Variants in PABPC4L observed in about 807,000 individuals in gnomAD.
PABPC4L encodes poly(A) binding protein cytoplasmic 4 like.
For synonymous variants in PABPC4L, 169 were observed against 164.1 expected, an observed-to-expected ratio of 1.03 and a Z score of -0.23; for missense variants, 452 against 451.4, an observed-to-expected ratio of 1.00 and a Z score of -0.01.
the PABPC4L span, among the ~76,000 whole-genome samples, chr4:133,971,905 T>C: frequency 6.6e-6 from 1 of 152,318 alleles, no homozygotes; most frequent in East Asian, 1.9e-4. Flanking sequence ...ATATTCTTAA[T>C]ATGCCCTCTC....
the PABPC4L span, among the ~76,000 whole-genome samples, chr4:134,065,840 A>G: frequency 1.3e-5 from 2 of 152,102 alleles, no homozygotes; most frequent in African/African-American, 2.4e-5. Context: ...GCACCTGGCA[A>G]GCCAGTTATC....
chr4:134,164,765 GA>G, the PABPC4L span, among the ~76,000 whole-genome samples: 3 of 149,920 alleles, frequency 2.0e-5, no homozygotes, highest in Non-Finnish European at 4.5e-5. Flanking sequence ...CACAGAATTA[GA>G]AAAAAAAAGC....
At chr4:133,952,557 A>G in the PABPC4L span, among the ~76,000 whole-genome samples, 1 of 152,032 alleles carries the variant, frequency 6.6e-6, no homozygotes. Flanking sequence ...TAATTTCTCT[A>G]TTACTGGTTG....
rs1189044309 is a variant in PABPC4L at position 134,197,396 on chromosome 4, G to A, written c.*2511C>T. 6.6e-6 allele frequency: 1 copy of A among 151,674 alleles called. No individual in the cohort carries two copies. The highest frequency in any genetic ancestry group is 1.5e-5 in the Non-Finnish European group (1 of 67,668). The allele number at this position is 151,674 out of a possible 1,614,324, so 9.4% of individuals were successfully genotyped here. A position where few individuals can be genotyped will look rare whatever the true frequency, so the allele number is the denominator to read the frequency against. ...CATAAACACAATACAGATAAATTGT[G>A]TGGGTGTATATATATTTGTGTGAAT... On this transcript the variant is annotated 3_prime_UTR_variant, in exon 2 of 2. Coordinates refer to ENST00000421491, the MANE Select transcript of PABPC4L (RefSeq NM_001114734.2).
chr4:134,201,321 G>A (rs1729875462), intron 1 of PABPC4L, 76 bp from the exon 2 acceptor site: 2 of 1,324,172 alleles, frequency 1.5e-6, no homozygotes, highest in African/African-American at 3.0e-5. Context: ...TTCAAGTGGC[G>A]GGCTGGCCCT....
chr4:134,035,143 A>T, the PABPC4L span, among the ~76,000 whole-genome samples: 21 of 152,168 alleles, frequency 1.4e-4, no homozygotes, highest in Admixed American at 3.9e-4. Flanking sequence ...AAAGGCTCAG[A>T]TGATCTTTAG....
chr4:134,149,605 T>C, the PABPC4L span, among the ~76,000 whole-genome samples: 1 of 152,136 alleles, frequency 6.6e-6, no homozygotes, highest in African/African-American at 2.4e-5. Context: ...GTTATACAAC[T>C]GGCAAGGGTC....
At chr4:133,967,086 G>T in the PABPC4L span, among the ~76,000 whole-genome samples, 1 of 150,458 alleles carries the variant, frequency 6.6e-6, no homozygotes, top group Non-Finnish European at 1.5e-5. Flanking sequence ...AAGGTAAATG[G>T]TAATGATATT....
chr4:134,114,067 A>G, the PABPC4L span, among the ~76,000 whole-genome samples: 1 of 151,748 alleles, frequency 6.6e-6, no homozygotes, highest in Non-Finnish European at 1.5e-5. Context: ...AAGTGGAAAG[A>G]TAAGTGGAAG....
At chr4:133,991,857 C>T in the PABPC4L span, among the ~76,000 whole-genome samples, 3 of 152,190 alleles carry the variant, frequency 2.0e-5, no homozygotes, top group African/African-American at 7.2e-5. Flanking sequence ...AACCAAGCCT[C>T]TCCTTGCACT....
the PABPC4L span, among the ~76,000 whole-genome samples, chr4:134,117,919 G>A: frequency 6.6e-6 from 1 of 151,668 alleles, no homozygotes; most frequent in East Asian, 2.0e-4. Context: ...CTGGGATGAA[G>A]TAATAACTCC....
the PABPC4L span, among the ~76,000 whole-genome samples, chr4:134,030,345 AT>A: frequency 6.9e-3 from 1,050 of 152,020 alleles, 14 homozygotes; most frequent in African/African-American, 0.024. Flanking sequence ...AAAAATACTT[AT>A]TTTTTTCTAA....
At chr4:134,017,966 G>T in the PABPC4L span, among the ~76,000 whole-genome samples, 6 of 151,982 alleles carry the variant, frequency 3.9e-5, no homozygotes, top group East Asian at 1.2e-3. Context: ...AATATAAGAA[G>T]ACAGGAATGT....
At chr4:134,005,504 G>C in the PABPC4L span, among the ~76,000 whole-genome samples, 2 of 151,810 alleles carry the variant, frequency 1.3e-5, no homozygotes, top group African/African-American at 4.8e-5. Context: ...ATTAGATGCA[G>C]AGATTTTTTA....
the PABPC4L span, among the ~76,000 whole-genome samples, chr4:134,049,438 G>A: frequency 1.3e-5 from 2 of 152,082 alleles, no homozygotes; most frequent in East Asian, 1.9e-4. Context: ...TCTGGCTATA[G>A]GCCAACATTA....
At chr4:134,017,750 C>T in the PABPC4L span, among the ~76,000 whole-genome samples, 1 of 151,988 alleles carries the variant, frequency 6.6e-6, no homozygotes, top group African/African-American at 2.4e-5. Flanking sequence ...TTCTATATGA[C>T]AAATGTTTCT....
At chr4:134,011,423 T>C in the PABPC4L span, among the ~76,000 whole-genome samples, 1 of 152,142 alleles carries the variant, frequency 6.6e-6, no homozygotes, top group Non-Finnish European at 1.5e-5. Flanking sequence ...TTGAAACATT[T>C]TGTAAATATC....
chr4:134,188,670 A>G, the PABPC4L span, among the ~76,000 whole-genome samples: 1 of 152,062 alleles, frequency 6.6e-6, no homozygotes, highest in African/African-American at 2.4e-5. Context: ...TTGGTTACTA[A>G]GAACTCAGTT....
chr4:134,121,700 T>A, the PABPC4L span, among the ~76,000 whole-genome samples: 1 of 151,684 alleles, frequency 6.6e-6, no homozygotes, highest in Non-Finnish European at 1.5e-5. Flanking sequence ...CTGCTTTTTT[T>A]CAACTTCCAG....
Sources: gnomAD v4.1 joint callset for allele counts (sites outside exome capture counted in the v4.1 genomes callset) on GRCh38, gnomAD v4.1.1 for gene constraint, MANE v1.5 for transcripts, NCBI Gene and HGNC (gene_info 2026-07-23, HGNC 2026-07-21) for gene names.